Variants in HIBADH observed in about 807,000 individuals in gnomAD.
HIBADH encodes the protein 3-hydroxyisobutyrate dehydrogenase, mitochondrial.
In HIBADH, 25 loss-of-function variants were observed where a neutral mutation model predicts 36.1. That is an observed-to-expected ratio of 0.69 (90% CI 0.50 to 0.97). HIBADH has a LOEUF of 0.97. HIBADH is among the 50% of genes least tolerant of loss of function. HIBADH has a pLI of 0.00. For missense variants in HIBADH, 421 were observed against 418.0 expected, an observed-to-expected ratio of 1.01 and a Z score of -0.06; for synonymous variants, 160 against 149.5, an observed-to-expected ratio of 1.07 and a Z score of -0.51.
intron 4 of HIBADH, among the ~76,000 whole-genome samples, chr7:27,569,306 G>A (rs1204107320): frequency 6.6e-6 from 1 of 152,116 alleles, no homozygotes; most frequent in East Asian, 1.9e-4. Context: ...TAATCTCAGG[G>A]TTGGTATCTT....
chr7:27,584,063 C>T (rs1010585131), intron 4 of HIBADH, among the ~76,000 whole-genome samples: 4 of 151,944 alleles, frequency 2.6e-5, no homozygotes, highest in African/African-American at 7.2e-5. Context: ...AAAAGCTGAC[C>T]TCATATAGAT....
chr7:27,533,370 A>G (rs555670802), intron 6 of HIBADH, among the ~76,000 whole-genome samples: 10 of 152,138 alleles, frequency 6.6e-5, no homozygotes, highest in South Asian at 4.1e-4. Context: ...GGCACACACA[A>G]AAAATCAGGT....
At chr7:27,551,228 A>G (rs1404276) in intron 4 of HIBADH, among the ~76,000 whole-genome samples, 116,452 of 152,106 alleles carry the variant, frequency 0.77, 45,145 homozygotes, top group East Asian at 0.94. Flanking sequence ...TACATGTATG[A>G]GGACATTATT....
At chr7:27,654,240 G>A (rs1224508694) in intron 1 of HIBADH, among the ~76,000 whole-genome samples, 2 of 152,170 alleles carry the variant, frequency 1.3e-5, no homozygotes, top group African/African-American at 2.4e-5. Context: ...AATAAGCTGT[G>A]AGACAGCTTC....
intron 4 of HIBADH, among the ~76,000 whole-genome samples, chr7:27,596,158 G>A (rs1183253675): frequency 6.6e-6 from 1 of 152,168 alleles, no homozygotes; most frequent in African/African-American, 2.4e-5. Flanking sequence ...GTTGTCTGGT[G>A]AGGGTTCCAG....
chr7:27,564,785 T>C (rs1007765725), intron 4 of HIBADH, among the ~76,000 whole-genome samples: 2 of 152,226 alleles, frequency 1.3e-5, no homozygotes, highest in African/African-American at 2.4e-5. Context: ...CTTCATTTAT[T>C]TAGGTCTTCT....
rs114435207 is a variant in HIBADH at position 27,657,825 on chromosome 7, A to G, written c.91+4873T>C. 5.6e-3 allele frequency among the ~76,000 whole-genome samples: 854 copies of G among 152,320 alleles called. 10 individuals are homozygous for G. Among genetic ancestry groups the G allele is most frequent in the African/African-American group, 0.019 (810 of 41,560 alleles). On this transcript the variant is annotated intron_variant, in intron 1 of 7. Coordinates refer to ENST00000265395, the MANE Select transcript of HIBADH (RefSeq NM_152740.4). ...ATGTATACCATTGAAGTTACAAGTTACTTAACTTCTCTAGACAACATTTGA... is the reference window on the plus strand; with the variant it reads ...ATGTATACCATTGAAGTTACAAGTTGCTTAACTTCTCTAGACAACATTTGA...
At chr7:27,596,659 ATAAAG>A (rs983158355) in intron 4 of HIBADH, among the ~76,000 whole-genome samples, 37 of 152,248 alleles carry the variant, frequency 2.4e-4, no homozygotes, top group African/African-American at 8.9e-4. Flanking sequence ...ATTTGAAAGT[ATAAAG>A]TAAATTTATT....
At chr7:27,662,606 G>A (rs1416926253) in intron 1 of HIBADH, 92 bp downstream of exon 1, 4 of 781,956 alleles carry the variant, frequency 5.1e-6, no homozygotes, top group East Asian at 3.4e-5. Context: ...CCCAACCGCA[G>A]GGCCTCCCGA....
intron 4 of HIBADH, among the ~76,000 whole-genome samples, chr7:27,574,911 G>C (rs1281038471): frequency 6.6e-6 from 1 of 152,092 alleles, no homozygotes. Context: ...ATTTAATAGA[G>C]AACTGTTTGT....
At chr7:27,662,383 C>T (rs1464873275) in intron 1 of HIBADH, among the ~76,000 whole-genome samples, 5 of 152,098 alleles carry the variant, frequency 3.3e-5, no homozygotes, top group African/African-American at 1.2e-4. Context: ...GTCCTAACTC[C>T]AAAGCAGCAT....
intron 4 of HIBADH, among the ~76,000 whole-genome samples, chr7:27,627,418 G>A (rs529421705): frequency 3.9e-5 from 6 of 152,222 alleles, no homozygotes; most frequent in African/African-American, 1.4e-4. Flanking sequence ...CCCAAACCCT[G>A]GAGGGAGGAG....
chr7:27,581,693 T>C (rs1230353355), intron 4 of HIBADH, among the ~76,000 whole-genome samples: 2 of 152,188 alleles, frequency 1.3e-5, no homozygotes, highest in Non-Finnish European at 2.9e-5. Context: ...TCGCTTTTTC[T>C]AGATTACTTT....
At chr7:27,585,865 A>G (rs569560008) in intron 4 of HIBADH, among the ~76,000 whole-genome samples, 1 of 152,142 alleles carries the variant, frequency 6.6e-6, no homozygotes, top group South Asian at 2.1e-4. Flanking sequence ...TTTTTTGGAG[A>G]AAATGTTATA....
rs373187314 is a variant in HIBADH at position 27,584,323 on chromosome 7, T to C, written c.485-41223A>G. Among the ~76,000 whole-genome samples the C allele has an allele frequency of 7.7e-4, 117 of 152,176 alleles. 2 individuals are homozygous for C. Among genetic ancestry groups the C allele is most frequent in the African/African-American group, 2.6e-3 (108 of 41,564 alleles). ...TGGAAAATACTCGTTCAGTTAGTTATGCAGATATTCTAAATTCCCAGTATA... is the reference window on the plus strand; with the variant it reads ...TGGAAAATACTCGTTCAGTTAGTTACGCAGATATTCTAAATTCCCAGTATA... On this transcript the variant is annotated intron_variant, in intron 4 of 7. Transcript: ENST00000265395.
Position 27,526,067 on chromosome 7 carries a change from G to A in HIBADH, c.*147C>T. The A allele has an allele frequency of 3.5e-6, 2 of 577,216 alleles. No homozygotes were observed. Among genetic ancestry groups the A allele is most frequent in the Non-Finnish European group, 5.2e-6 (2 of 381,714 alleles). 35.8% of individuals were successfully genotyped at this position (577,216 alleles called of 1,614,324 possible). ...GTTAAAAAGACAAAAAGAATAAGCG[G>A]TGAAAAATCCTAGGGATTACTGTGA... On this transcript the variant is annotated 3_prime_UTR_variant, in exon 8 of 8. Coordinates refer to ENST00000265395, the MANE Select transcript of HIBADH (RefSeq NM_152740.4).
chr7:27,543,270 G>A (rs1271533955), intron 4 of HIBADH, among the ~76,000 whole-genome samples, 170 bp from the exon 5 acceptor site: 1 of 152,092 alleles, frequency 6.6e-6, no homozygotes, highest in Non-Finnish European at 1.5e-5. Context: ...CAGCAATCAA[G>A]TATCACCCAG....
chr7:27,583,690 G>A (rs1400458655), intron 4 of HIBADH, among the ~76,000 whole-genome samples: 1 of 151,680 alleles, frequency 6.6e-6, no homozygotes, highest in East Asian at 1.9e-4. Flanking sequence ...TATTTCCAAG[G>A]CCTCATCATT....
intron 4 of HIBADH, among the ~76,000 whole-genome samples, chr7:27,614,570 G>A (rs1025422624): frequency 1.3e-5 from 2 of 152,210 alleles, no homozygotes; most frequent in African/African-American, 4.8e-5. Context: ...CAGTCTAGTA[G>A]AAGAGACAGG....
Sources: gnomAD v4.1 joint callset for allele counts (sites outside exome capture counted in the v4.1 genomes callset) on GRCh38, gnomAD v4.1.1 for gene constraint, MANE v1.5 for transcripts, NCBI Gene and HGNC (gene_info 2026-07-23, HGNC 2026-07-21) for gene names.